COL5A1: variants seen among roughly 807,000 people sequenced by gnomAD.
The protein encoded by COL5A1 is collagen alpha-1(V) chain.
Under a neutral mutation model 263.7 loss-of-function variants are expected in COL5A1, and 16 were observed. The observed-to-expected ratio is 0.06, with a 90% CI of 0.04 to 0.09. COL5A1 has a LOEUF of 0.09. Ranked by LOEUF, COL5A1 falls within the 10% of genes least tolerant of loss-of-function variation. The probability of loss-of-function intolerance (pLI) is 1.00; values close to 1 mark genes in which losing one functional copy is unlikely to be tolerated. For synonymous variants in COL5A1, 1,012 were observed against 1,004.5 expected, an observed-to-expected ratio of 1.01 and a Z score of -0.14; for missense variants, 2,036 against 2,540.5, an observed-to-expected ratio of 0.80 and a Z score of 4.27.
intron 29 of COL5A1, 54 bp downstream of exon 29, chr9:134,782,774 G>A (rs902076710): frequency 8.0e-5 from 117 of 1,460,290 alleles, no homozygotes; most frequent in Non-Finnish European, 1.0e-4. Flanking sequence ...GGGCTTGGCC[G>A]TGTGGGAGGG....
At chr9:134,695,254 C>T (rs1356344390) in intron 2 of COL5A1, among the ~76,000 whole-genome samples, 2 of 152,216 alleles carry the variant, frequency 1.3e-5, no homozygotes, top group African/African-American at 2.4e-5. Flanking sequence ...CCCACACCCC[C>T]CTGCCCCTTG....
Position 134,830,248 on chromosome 9 carries a change from G to GGCA in COL5A1, c.5136+205_5136+207dup, listed in dbSNP as rs1839551965. On this transcript the variant is annotated intron_variant, in intron 64 of 65. Transcript: ENST00000371817. ...GCACGGCTGGCTCGCGGCTCTGCAT[G>GGCA]GCACCCATCGCTGCCATGTGTGCCA... 1.1e-5 allele frequency: 16 copies of GGCA among 1,463,436 alleles called. No homozygotes were observed. The South Asian group carries it at 1.9e-4, about 18-fold the overall frequency. The allele number at this position is 1,463,436 out of a possible 1,614,324, so 90.7% of individuals were successfully genotyped here.
rs144073002 is a variant in COL5A1 at position 134,689,046 on chromosome 9, G to A, written c.110-1866G>A. On this transcript the variant is annotated intron_variant, in intron 1 of 65. Transcript: ENST00000371817. ...GGCCTGCGCACCAAGCACAGTGCCC[G>A]CGCTGAGTCCCCTGGAGGGACAGGG... 3.9e-3 allele frequency among the ~76,000 whole-genome samples: 589 copies of A among 152,298 alleles called. 5 individuals carry two copies. The highest frequency in any genetic ancestry group is 0.014 in the African/African-American group (569 of 41,566).
At chr9:134,760,222 C>CCA (rs200233983) in intron 18 of COL5A1, among the ~76,000 whole-genome samples, 6,838 of 101,958 alleles carry the variant, frequency 0.067, 943 homozygotes, top group East Asian at 0.18. Context: ...CATGCACACA[C>CCA]CACATGCACA....
intron 1 of COL5A1, among the ~76,000 whole-genome samples, chr9:134,661,065 C>T (rs1365817979): frequency 6.6e-6 from 1 of 151,976 alleles, no homozygotes; most frequent in Non-Finnish European, 1.5e-5. Flanking sequence ...CTCAGCTTAC[C>T]ACACCCACCA....
At chr9:134,703,079 G>A (rs1833726755) in intron 4 of COL5A1, among the ~76,000 whole-genome samples, 1 of 152,258 alleles carries the variant, frequency 6.6e-6, no homozygotes, top group Admixed American at 6.5e-5. Context: ...GGAATGAGAT[G>A]GGCCTGTTAG....
chr9:134,674,845 C>A (rs574910508), intron 1 of COL5A1, among the ~76,000 whole-genome samples: 1 of 152,108 alleles, frequency 6.6e-6, no homozygotes, highest in African/African-American at 2.4e-5. Flanking sequence ...GGCGCCACTG[C>A]ACCCCAGCCT....
At chr9:134,720,347 A>G (rs986681923) in intron 4 of COL5A1, among the ~76,000 whole-genome samples, 4 of 151,820 alleles carry the variant, frequency 2.6e-5, no homozygotes, top group African/African-American at 9.7e-5. Flanking sequence ...GGCCGCCAGC[A>G]CCTCCCGCCG....
chr9:134,654,407 GT>G (rs1831836484), intron 1 of COL5A1, among the ~76,000 whole-genome samples: 1 of 106,612 alleles, frequency 9.4e-6, no homozygotes, highest in Non-Finnish European at 2.0e-5. Context: ...TAGGGCTGGT[GT>G]GTGTAGGGCT....
At chr9:134,752,738 C>T (rs1835830403) in intron 14 of COL5A1, 93 bp downstream of exon 14, 1 of 1,004,122 alleles carries the variant, frequency 1.0e-6, no homozygotes, top group Admixed American at 1.9e-5. Context: ...GCCCTGGGGT[C>T]CTGTGGACAC....
chr9:134,822,719 C>G (rs752571770), intron 59 of COL5A1, among the ~76,000 whole-genome samples: 1 of 60,424 alleles, frequency 1.7e-5, no homozygotes, highest in Admixed American at 1.6e-4. Context: ...TTTTCCGCTG[C>G]GCCCCCCCCG....
intron 11 of COL5A1, among the ~76,000 whole-genome samples, chr9:134,744,793 C>T (rs1835441152): frequency 1.3e-5 from 2 of 149,904 alleles, no homozygotes; most frequent in African/African-American, 4.9e-5. Context: ...ACACATACAC[C>T]CACACATGTA....
chr9:134,756,008 C>T lies in COL5A1; in HGVS notation c.1828-757C>T, dbSNP rs572628288. Among the ~76,000 whole-genome samples, 7 of 152,110 alleles carry T rather than the reference C, an allele frequency of 4.6e-5. No individual in the cohort carries two copies. In the East Asian group the frequency reaches 9.7e-4, roughly 21 times the overall value. On this transcript the variant is annotated intron_variant, in intron 16 of 65. Coordinates refer to ENST00000371817, the MANE Select transcript of COL5A1 (RefSeq NM_000093.5). Reference sequence around the variant, plus strand: ...TGCCTCGTTGTGCAGGGTGGCAGCCCTCTGTTCTCGCTGGCTGGGGTGCCT... The same window carrying T: ...TGCCTCGTTGTGCAGGGTGGCAGCCTTCTGTTCTCGCTGGCTGGGGTGCCT...
Position 134,691,044 on chromosome 9 carries a change from C to T in COL5A1, c.242C>T (p.Ala81Val), listed in dbSNP as rs752620199. Residue 81 changes from alanine (A) to valine (V), a missense_variant, in exon 2 of 66, where the codon GCG (alanine) becomes GTG (valine). Physicochemically the swap from Ala to Val is moderately conservative, Grantham distance 64 (BLOSUM62 0). Transcript: ENST00000371817. ...PDVAYRVTKD[A>V]QLSAPTKQLY... The stretch of plus-strand genomic sequence containing the variant: ...GTCGCTTACAGAGTCACCAAAGACG[C>T]GCAGCTCAGCGCACCCACCAAGCAG... 1.2e-5 allele frequency: 19 copies of T among 1,613,424 alleles called. No individual in the cohort carries two copies. Among genetic ancestry groups the T allele is most frequent in the Middle Eastern group, 1.7e-4 (1 of 5,998 alleles).
chr9:134,762,042 A>G, intron 19 of COL5A1, 64 bp downstream of exon 19: 1 of 1,554,352 alleles, frequency 6.4e-7, no homozygotes, highest in Non-Finnish European at 8.9e-7. Context: ...TTTGGGCAGG[A>G]AAACCACAGA....
intron 1 of COL5A1, among the ~76,000 whole-genome samples, chr9:134,658,497 C>T (rs933786541): frequency 1.3e-5 from 2 of 152,208 alleles, no homozygotes; most frequent in African/African-American, 4.8e-5. Context: ...TCCTTGCACG[C>T]CCTGGGCCCC....
chr9:134,675,173 C>T (rs1281666434), intron 1 of COL5A1, among the ~76,000 whole-genome samples: 2 of 152,088 alleles, frequency 1.3e-5, no homozygotes, highest in Non-Finnish European at 2.9e-5. Context: ...GTTGGGTGAG[C>T]GTTTTGATTA....
intron 27 of COL5A1, among the ~76,000 whole-genome samples, chr9:134,775,685 T>TGA (rs1232077605): frequency 1.3e-5 from 2 of 152,204 alleles, no homozygotes; most frequent in Non-Finnish European, 2.9e-5. Context: ...AATGGGGACT[T>TGA]GCGGTATCTT....
intron 9 of COL5A1, among the ~76,000 whole-genome samples, chr9:134,734,525 G>A (rs191793045): frequency 5.9e-5 from 9 of 152,372 alleles, no homozygotes; most frequent in South Asian, 2.1e-4. Context: ...CCCTGCGGGC[G>A]TCCCGGCCTG....
Sources: allele counts gnomAD v4.1 joint callset (sites outside exome capture counted in the v4.1 genomes callset), GRCh38; gene constraint gnomAD v4.1.1; transcripts MANE v1.5; gene names NCBI Gene and HGNC (gene_info 2026-07-23, HGNC 2026-07-21).